The following GALNT16 variants were observed in gnomAD, a reference collection of about 807,000 sequenced individuals.
GALNT16 encodes the protein polypeptide N-acetylgalactosaminyltransferase 16.
Under a neutral mutation model 76.1 loss-of-function variants are expected in GALNT16, and 40 were observed. The ratio of observed to expected loss-of-function variants is 0.53; its 90% CI spans 0.41 to 0.68. GALNT16 has a LOEUF of 0.68. Ranked by LOEUF, GALNT16 falls within the 30% of genes least tolerant of loss-of-function variation. The pLI, the probability that GALNT16 is intolerant of heterozygous loss-of-function variation, is 0.00. For synonymous variants in GALNT16, 276 were observed against 285.2 expected, an observed-to-expected ratio of 0.97 and a Z score of 0.32; for missense variants, 621 against 731.9, an observed-to-expected ratio of 0.85 and a Z score of 1.75.
At chr14:69,320,076 C>G (rs893942768) in intron 1 of GALNT16, among the ~76,000 whole-genome samples, 12 of 145,186 alleles carry the variant, frequency 8.3e-5, no homozygotes, top group Admixed American at 2.2e-4. Flanking sequence ...CTGGTGCACT[C>G]CAGGACTCAC....
At chr14:69,286,880 T>A (rs1466382510) in intron 1 of GALNT16, among the ~76,000 whole-genome samples, 1 of 152,178 alleles carries the variant, frequency 6.6e-6, no homozygotes, top group Non-Finnish European at 1.5e-5. Context: ...AAAATGTCGA[T>A]GTTTTAATAA....
At chr14:69,323,744 G>A (rs1243904834) in intron 2 of GALNT16, among the ~76,000 whole-genome samples, 1 of 152,204 alleles carries the variant, frequency 6.6e-6, no homozygotes, top group African/African-American at 2.4e-5. Context: ...AGGCTAGTGG[G>A]ACTCCTGCCT....
chr14:69,338,946 G>C (rs2045448828), intron 10 of GALNT16, among the ~76,000 whole-genome samples, 169 bp downstream of exon 10: 1 of 152,066 alleles, frequency 6.6e-6, no homozygotes, highest in African/African-American at 2.4e-5. Context: ...TACCTTCAGG[G>C]GTGGAGGGAG....
chr14:69,266,475 T>A (rs568218296), intron 1 of GALNT16, among the ~76,000 whole-genome samples: 2 of 152,300 alleles, frequency 1.3e-5, no homozygotes, highest in East Asian at 3.9e-4. Context: ...TGACTCCCCA[T>A]CAAAACTTAG....
In GALNT16 at chr14:69,320,851, G is replaced by A; in HGVS notation, c.318G>A (p.Arg106=). ...AGCTGAGCCCAGACCGGCCCATCCGGGACACCCGCCATTACAGGTACGGCC... is the reference window on the plus strand; with the variant it reads ...AGCTGAGCCCAGACCGGCCCATCCGAGACACCCGCCATTACAGGTACGGCC... ...SDKLSPDRPI[R]DTRHYSCPSV... is the part of the protein sequence containing the mutation. The change falls in exon 2 of 15, where the codon CGG becomes CGA. Residue 106 remains arginine (R), a synonymous_variant. Transcript: ENST00000448469. The A allele has an allele frequency of 6.2e-7, 1 of 1,610,654 alleles. No individual in the cohort carries two copies. The highest frequency in any genetic ancestry group is 8.5e-7 in the Non-Finnish European group (1 of 1,177,554).
the GALNT16 span, among the ~76,000 whole-genome samples, chr14:69,377,804 CAAAAAAAAAAAAAAAAAAA>C: frequency 2.7e-5 from 1 of 37,478 alleles, no homozygotes; most frequent in South Asian, 1.5e-3. Flanking sequence ...GAGACTGTCT[CAAAAAAAAAAAAAAAAAAA>C]AAAAAAAAAA....
At chr14:69,284,548 C>T (rs2044584413) in intron 1 of GALNT16, among the ~76,000 whole-genome samples, 1 of 152,212 alleles carries the variant, frequency 6.6e-6, no homozygotes, top group African/African-American at 2.4e-5. Context: ...CTGGGGCCTT[C>T]ACTGAGCACC....
intron 1 of GALNT16, among the ~76,000 whole-genome samples, chr14:69,318,308 C>A (rs1262375484): frequency 6.6e-6 from 1 of 152,174 alleles, no homozygotes; most frequent in African/African-American, 2.4e-5. Flanking sequence ...TTGGGAGGAA[C>A]CTCTCTAGAG....
At chr14:69,372,496 T>C in the GALNT16 span, among the ~76,000 whole-genome samples, 1 of 144,732 alleles carries the variant, frequency 6.9e-6, no homozygotes, top group African/African-American at 2.6e-5. Context: ...TTAGCCTTTT[T>C]TTTTTTTTTT....
chr14:69,265,508 T>C (rs2044331787), intron 1 of GALNT16, among the ~76,000 whole-genome samples: 1 of 152,128 alleles, frequency 6.6e-6, no homozygotes, highest in South Asian at 2.1e-4. Context: ...CCAGGCTGAG[T>C]TGCCCACGGG....
intron 1 of GALNT16, among the ~76,000 whole-genome samples, chr14:69,314,918 G>GTACC (rs1736813941): frequency 1.3e-5 from 2 of 152,142 alleles, no homozygotes; most frequent in Admixed American, 6.5e-5. Context: ...AACCCAGCAG[G>GTACC]TACCTGTTTT....
chr14:69,341,188 C>T (rs1019465923), intron 11 of GALNT16, among the ~76,000 whole-genome samples: 4 of 152,226 alleles, frequency 2.6e-5, no homozygotes, highest in East Asian at 1.9e-4. Flanking sequence ...TGACGAGGGC[C>T]GTCAACCAGT....
chr14:69,286,518 GGT>G (rs1300574519), intron 1 of GALNT16, among the ~76,000 whole-genome samples: 1 of 152,098 alleles, frequency 6.6e-6, no homozygotes, highest in East Asian at 1.9e-4. Context: ...TAACCAGGCT[GGT>G]CTCAAACTCC....
intron 10 of GALNT16, 143 bp from the exon 11 acceptor site, chr14:69,339,384 C>A: frequency 1.5e-6 from 1 of 664,290 alleles, no homozygotes; most frequent in East Asian, 2.7e-5. Context: ...TCCAAAAGGA[C>A]CGTGCTAATC....
At chr14:69,351,535 C>G (rs2045636648) in intron 14 of GALNT16, 1 of 152,566 alleles carries the variant, frequency 6.6e-6, no homozygotes, top group African/African-American at 2.4e-5. Context: ...AAGAGCCCTG[C>G]TGGGAAGGGC....
chr14:69,343,085 A>G (rs1322158686), intron 12 of GALNT16, among the ~76,000 whole-genome samples: 3 of 152,192 alleles, frequency 2.0e-5, no homozygotes, highest in Admixed American at 2.0e-4. Context: ...CACTCAGTAA[A>G]TATTTTTAAT....
intron 14 of GALNT16, chr14:69,350,810 GA>G (rs2045626015): frequency 6.6e-6 from 1 of 152,350 alleles, no homozygotes; most frequent in Non-Finnish European, 1.5e-5. Flanking sequence ...GAAGATGGAA[GA>G]GGGGAGGTGG....
At chr14:69,290,193 G>A (rs2044671858) in intron 1 of GALNT16, among the ~76,000 whole-genome samples, 1 of 152,228 alleles carries the variant, frequency 6.6e-6, no homozygotes, top group Non-Finnish European at 1.5e-5. Flanking sequence ...CACCGGAACT[G>A]CTATTTGGAG....
intron 10 of GALNT16, among the ~76,000 whole-genome samples, chr14:69,339,306 G>A (rs946842110): frequency 1.3e-4 from 20 of 152,316 alleles, no homozygotes; most frequent in South Asian, 4.1e-4. Context: ...TTCGTACAGC[G>A]TCTGGAGCAG....
Sources: allele counts gnomAD v4.1 joint callset (sites outside exome capture counted in the v4.1 genomes callset), GRCh38; gene constraint gnomAD v4.1.1; transcripts MANE v1.5; gene names NCBI Gene and HGNC (gene_info 2026-07-23, HGNC 2026-07-21).